ATRX: variants seen among roughly 807,000 people sequenced by gnomAD.
The protein encoded by ATRX is chromatin remodeler ATRX.
In ATRX, 12 loss-of-function variants were observed where a neutral mutation model predicts 172.6. That is an observed-to-expected ratio of 0.07 (90% CI 0.04 to 0.11). The LOEUF (loss-of-function observed/expected upper bound fraction) is 0.11. Among genes scored for constraint, ATRX ranks in the 10% least tolerant of loss-of-function variants. ATRX has a pLI of 1.00. For missense variants in ATRX, 1,368 were observed against 1,767.4 expected, an observed-to-expected ratio of 0.77 and a Z score of 4.05; for synonymous variants, 674 against 594.7, an observed-to-expected ratio of 1.13 and a Z score of -1.94.
intron 19 of ATRX, among the ~76,000 whole-genome samples, chrX:77,622,759 G>A (rs2067650099): frequency 9.0e-6 from 1 of 110,686 alleles, no homozygotes; most frequent in Admixed American, 9.7e-5. Context: ...AAACACACTC[G>A]GGGCTGTTTC....
rs1255951970 is a variant in ATRX at position 77,723,114 on chromosome X, T to A, written c.21-5871A>T. Among the ~76,000 whole-genome samples the A allele has an allele frequency of 5.4e-5, 6 of 111,247 alleles. No homozygotes were observed. In the East Asian group the frequency reaches 1.7e-3, roughly 32 times the overall value. On this transcript the variant is annotated intron_variant, in intron 1 of 34. Transcript: ENST00000373344. ...ACAGAAAACCAAATACTGCATGTTCTCACTCATAAGTGGGAGTTGAACAAT... is the reference window on the plus strand; with the variant it reads ...ACAGAAAACCAAATACTGCATGTTCACACTCATAAGTGGGAGTTGAACAAT...
At chrX:77,658,984 TGA>T (rs1348184609) in intron 12 of ATRX, among the ~76,000 whole-genome samples, 10 of 111,784 alleles carry the variant, frequency 8.9e-5, no homozygotes, top group Non-Finnish European at 1.3e-4. Flanking sequence ...TTTTAAAAAA[TGA>T]GAGAACATAA....
At chrX:77,751,286 G>A (rs1034506322) in intron 1 of ATRX, among the ~76,000 whole-genome samples, 1 of 112,782 alleles carries the variant, frequency 8.9e-6, no homozygotes, top group East Asian at 2.8e-4. Flanking sequence ...GACCAGTGAT[G>A]ATGAGCTTTT....
intron 2 of ATRX, among the ~76,000 whole-genome samples, chrX:77,701,721 TA>T (rs1222856934): frequency 2.6e-4 from 28 of 106,372 alleles, no homozygotes; most frequent in Admixed American, 5.0e-4. Flanking sequence ...GCATGCATGT[TA>T]AAAAAAAAAA....
intron 1 of ATRX, among the ~76,000 whole-genome samples, chrX:77,780,996 A>G (rs964879394): frequency 3.1e-4 from 35 of 111,245 alleles, no homozygotes; most frequent in African/African-American, 1.1e-3. Flanking sequence ...ATGACAAAGC[A>G]GAAGCCTGGA....
intron 30 of ATRX, among the ~76,000 whole-genome samples, chrX:77,542,533 A>G (rs2147863409): frequency 8.9e-6 from 1 of 112,165 alleles, no homozygotes; most frequent in Admixed American, 9.5e-5. Context: ...AAAAAGAACA[A>G]AGCTGGAGGC....
intron 9 of ATRX, among the ~76,000 whole-genome samples, chrX:77,676,667 C>T (rs2070881748): frequency 8.9e-6 from 1 of 111,802 alleles, no homozygotes; most frequent in African/African-American, 3.3e-5. Context: ...GCTGTATCTT[C>T]GAGGAATAGC....
Position 77,603,242 on chromosome X carries a change from T to C in ATRX, c.5567-2678A>G, listed in dbSNP as rs782480847. ...GAGACCAAGGCTACTTGGGCTCTTATTTGGTTCCATATGACTTTTAGGATT... is the reference window on the plus strand; with the variant it reads ...GAGACCAAGGCTACTTGGGCTCTTACTTGGTTCCATATGACTTTTAGGATT... On this transcript the variant is annotated intron_variant, in intron 22 of 34. Transcript: ENST00000373344. 2.7e-5 allele frequency among the ~76,000 whole-genome samples: 3 copies of C among 111,897 alleles called. No homozygotes were observed. In the Admixed American group the frequency reaches 2.8e-4, roughly 11 times the overall value.
rs186570781 is a variant in ATRX at position 77,509,495 on chromosome X, T to C, written c.7201-866A>G. ...TCAGGTGAGCAATCACTGTACCAGA[T>C]TTTAACTTCATATCACTGAAAGAGG... On this transcript the variant is annotated intron_variant, in intron 34 of 34. Transcript: ENST00000373344. Among the ~76,000 whole-genome samples the C allele has an allele frequency of 7.2e-4, 80 of 111,870 alleles. 1 individual carries two copies. Among genetic ancestry groups the C allele is most frequent in the African/African-American group, 2.4e-3 (75 of 30,772 alleles).
intron 30 of ATRX, among the ~76,000 whole-genome samples, chrX:77,551,407 C>A (rs2064507510): frequency 8.9e-6 from 1 of 111,993 alleles, no homozygotes; most frequent in South Asian, 3.7e-4. Context: ...GGAAAACTGG[C>A]TAGCCATATG....
rs6652725 is a variant in ATRX at position 77,516,981 on chromosome X, A to C, written c.7200+3807T>G. 8.0e-3 allele frequency among the ~76,000 whole-genome samples: 891 copies of C among 111,470 alleles called. 13 individuals are homozygous for C. The highest frequency in any genetic ancestry group is 0.028 in the African/African-American group (853 of 30,710). On this transcript the variant is annotated intron_variant, in intron 34 of 34. Transcript: ENST00000373344. ...TTGAACAATATGCTCCTGAATGACC[A>C]GTGGGTCAAAGAAAACATTAAGAAA...
chrX:77,521,510 C>A lies in ATRX; in HGVS notation c.6976-12G>T, dbSNP rs2063230675. On this transcript the variant is annotated splice_polypyrimidine_tract_variant and intron_variant, in intron 32 of 34. Transcript: ENST00000373344. ...TGATTAATGAGGTCCTAGAAGAATG[C>A]AAGAAATAAGTTATATAAGGCAGAA... 2 of 1,157,949 alleles carry A rather than the reference C, an allele frequency of 1.7e-6. No homozygotes were observed. The highest frequency in any genetic ancestry group is 3.6e-5 in the South Asian group (2 of 55,712).
intron 23 of ATRX, 128 bp downstream of exon 23, chrX:77,600,306 A>C (rs2066627338): frequency 5.0e-6 from 4 of 798,275 alleles, no homozygotes; most frequent in Non-Finnish European, 5.6e-6. Flanking sequence ...AGACATATAG[A>C]AATTAGAAAT....
At chrX:77,558,549 G>T in intron 29 of ATRX, 120 bp downstream of exon 29, 1 of 637,541 alleles carries the variant, frequency 1.6e-6, no homozygotes, top group East Asian at 3.4e-5. Flanking sequence ...GCTGCTTTAT[G>T]TACAGAAATG....
At chrX:77,606,240 GTAAAA>G (rs782168572) in intron 22 of ATRX, among the ~76,000 whole-genome samples, 21 of 110,061 alleles carry the variant, frequency 1.9e-4, no homozygotes, top group Non-Finnish European at 3.6e-4. Context: ...AAATGAAAAT[GTAAAA>G]TAAAATAAAA....
At chrX:77,780,491 G>T (rs782537605) in intron 1 of ATRX, among the ~76,000 whole-genome samples, 1 of 109,186 alleles carries the variant, frequency 9.2e-6, no homozygotes, top group African/African-American at 3.3e-5. Context: ...ACACCGAGAT[G>T]ATTTTTTTTT....
intron 1 of ATRX, among the ~76,000 whole-genome samples, chrX:77,760,243 A>G (rs1557192122): frequency 9.2e-6 from 1 of 108,393 alleles, no homozygotes; most frequent in Non-Finnish European, 1.9e-5. Flanking sequence ...CCTAAAAACA[A>G]CATTGAGCAA....
chrX:77,773,435 T>C (rs1557200366), intron 1 of ATRX, among the ~76,000 whole-genome samples: 2 of 111,520 alleles, frequency 1.8e-5, no homozygotes. Flanking sequence ...TGGCAGAGAA[T>C]GAGCTGATTA....
intron 1 of ATRX, among the ~76,000 whole-genome samples, chrX:77,746,076 A>C (rs1018536924): frequency 1.8e-5 from 2 of 111,715 alleles, no homozygotes; most frequent in Admixed American, 1.9e-4. Context: ...GTTCTCATTC[A>C]CATGTGGATG....
Sources: gnomAD v4.1 joint callset for allele counts (sites outside exome capture counted in the v4.1 genomes callset) on GRCh38, gnomAD v4.1.1 for gene constraint, MANE v1.5 for transcripts, NCBI Gene and HGNC (gene_info 2026-07-23, HGNC 2026-07-21) for gene names.